MVB12B: variants seen among roughly 807,000 people sequenced by gnomAD.
MVB12B encodes ESCRT-I complex subunit MVB12B.
Under a neutral mutation model 41.6 loss-of-function variants are expected in MVB12B, and 16 were observed. That is an observed-to-expected ratio of 0.38 (90% CI 0.26 to 0.58). The LOEUF (loss-of-function observed/expected upper bound fraction) is 0.58, where lower values mean the gene tolerates loss of function less well. Ranked by LOEUF, MVB12B falls within the 20% of genes least tolerant of loss-of-function variation. MVB12B has a pLI of 0.62. For synonymous variants in MVB12B, 133 were observed against 139.7 expected, an observed-to-expected ratio of 0.95 and a Z score of 0.34; for missense variants, 274 against 380.2, an observed-to-expected ratio of 0.72 and a Z score of 2.32.
chr9:126,437,138 C>T (rs1832500940), intron 7 of MVB12B, among the ~76,000 whole-genome samples: 1 of 152,262 alleles, frequency 6.6e-6, no homozygotes, highest in Admixed American at 6.5e-5. Flanking sequence ...TTAGGGTGAA[C>T]AGGCAAGTCT....
chr9:126,409,115 T>TG (rs71493516), intron 6 of MVB12B, among the ~76,000 whole-genome samples: 14,606 of 142,752 alleles, frequency 0.1, 852 homozygotes, highest in Admixed American at 0.17. Flanking sequence ...ACTTCCATTG[T>TG]GGGGGGGGGC....
intron 6 of MVB12B, chr9:126,396,735 T>C (rs1831124976): frequency 1.0e-6 from 1 of 985,488 alleles, no homozygotes. Context: ...CATGACAGTT[T>C]CACAAACCAA....
At position 126,333,103 on chromosome 9, in the gene MVB12B, T is replaced by C. The variant is rs543380660; in HGVS notation, c.81+6093T>C. Among the ~76,000 whole-genome samples the C allele has an allele frequency of 1.2e-4, 18 of 152,300 alleles. No individual in the cohort carries two copies. The South Asian group carries it at 3.1e-3, about 26-fold the overall frequency. On this transcript the variant is annotated intron_variant, in intron 1 of 9. Coordinates refer to ENST00000361171, the MANE Select transcript of MVB12B (RefSeq NM_033446.3). This position sits in a 1 kb window ranked among gnomAD's most constrained non-coding sequence, Gnocchi z 4.7. Reference sequence around the variant, plus strand: ...CCCTGGTGTTTTGTTTTGTTTTTTTTTGAGACAGACTCTCACTCTGTCACC... The same window carrying C: ...CCCTGGTGTTTTGTTTTGTTTTTTTCTGAGACAGACTCTCACTCTGTCACC...
chr9:126,428,969 C>T (rs1015871755), intron 7 of MVB12B, among the ~76,000 whole-genome samples: 2 of 152,100 alleles, frequency 1.3e-5, no homozygotes, highest in Non-Finnish European at 2.9e-5. Flanking sequence ...AGAGGATTTT[C>T]GTAATCACCG....
chr9:126,491,190 T>C (rs1180249369), intron 9 of MVB12B, among the ~76,000 whole-genome samples: 1 of 152,260 alleles, frequency 6.6e-6, no homozygotes, highest in Non-Finnish European at 1.5e-5. Context: ...GTGAAAAGGA[T>C]TTTTGAATTC....
intron 9 of MVB12B, among the ~76,000 whole-genome samples, chr9:126,488,526 C>G (rs187663408): frequency 6.6e-6 from 1 of 152,250 alleles, no homozygotes; most frequent in Admixed American, 6.5e-5. Context: ...TGGGCAGGTG[C>G]TTCCCTTCAG....
intron 7 of MVB12B, chr9:126,481,136 A>G: frequency 1.8e-6 from 1 of 560,978 alleles, no homozygotes; most frequent in Non-Finnish European, 3.2e-6. Flanking sequence ...TGTCTACACA[A>G]CTGCCTGGTG....
In MVB12B at chr9:126,383,505, G is replaced by A. The variant is rs549700876; in HGVS notation, c.312+2334G>A. Among the ~76,000 whole-genome samples, 3 of 152,240 alleles carry A rather than the reference G, an allele frequency of 2.0e-5. No homozygotes were observed. In the South Asian group the frequency reaches 6.2e-4, roughly 32 times the overall value. On this transcript the variant is annotated intron_variant, in intron 3 of 9. Transcript: ENST00000361171. Reference sequence around the variant, plus strand: ...TTATGAACATTTGAATATTAAGTTGGTTATCTGTGGCTACCTTAAATGCAA... The same window carrying A: ...TTATGAACATTTGAATATTAAGTTGATTATCTGTGGCTACCTTAAATGCAA...
At chr9:126,375,326 A>G (rs137965841) in intron 2 of MVB12B, among the ~76,000 whole-genome samples, 9 of 132,448 alleles carry the variant, frequency 6.8e-5, no homozygotes, top group African/African-American at 2.0e-4. Context: ...TTTTCACAGT[A>G]CGTTCTTAAA....
At chr9:126,444,528 G>A (rs1750073822) in intron 7 of MVB12B, among the ~76,000 whole-genome samples, 1 of 152,136 alleles carries the variant, frequency 6.6e-6, no homozygotes, top group African/African-American at 2.4e-5. Flanking sequence ...TTCCATTGCA[G>A]TCTTAATTTT....
At chr9:126,355,318 G>A (rs190829470) in intron 2 of MVB12B, among the ~76,000 whole-genome samples, 2 of 152,230 alleles carry the variant, frequency 1.3e-5, no homozygotes, top group Non-Finnish European at 2.9e-5. Flanking sequence ...CTGCGGAAAT[G>A]CTGGGTGGGC....
chr9:126,331,805 C>A (rs1329036287), intron 1 of MVB12B, among the ~76,000 whole-genome samples: 1 of 152,174 alleles, frequency 6.6e-6, no homozygotes, highest in African/African-American at 2.4e-5. Context: ...GACTTTCCCC[C>A]CTTAGAGCTA....
At chr9:126,474,843 C>T (rs1014696791) in intron 7 of MVB12B, among the ~76,000 whole-genome samples, 1 of 152,182 alleles carries the variant, frequency 6.6e-6, no homozygotes, top group Non-Finnish European at 1.5e-5. Flanking sequence ...GGTCTGGCTT[C>T]AGGTTCCCTC....
In MVB12B at chr9:126,391,178, C is replaced by T. The variant is rs1205343043; in HGVS notation, c.410-888C>T. On this transcript the variant is annotated intron_variant, in intron 4 of 9. Coordinates refer to ENST00000361171, the MANE Select transcript of MVB12B (RefSeq NM_033446.3). This position sits in a 1 kb window ranked among gnomAD's most constrained non-coding sequence, Gnocchi z 4.4. ...CTCACTATATGACAGCCTAGACTTACGTGTACCCCGGACGGCGTGCATGCC... is the reference window on the plus strand; with the variant it reads ...CTCACTATATGACAGCCTAGACTTATGTGTACCCCGGACGGCGTGCATGCC... Among the ~76,000 whole-genome samples the T allele has an allele frequency of 2.6e-5, 4 of 152,290 alleles. 1 individual carries two copies. The South Asian group carries it at 6.2e-4, about 24-fold the overall frequency.
In MVB12B at chr9:126,421,915, G is replaced by C. The variant is rs1490977058; in HGVS notation, c.724G>C (p.Glu242Gln). The change falls in exon 7 of 10, where the codon GAG (glutamate) becomes CAG (glutamine). Residue 242 changes from glutamate (E) to glutamine (Q), a missense_variant. Coordinates refer to ENST00000361171, the MANE Select transcript of MVB12B (RefSeq NM_033446.3). The part of the protein sequence containing the change: ...RGRNSTRTDY[E>Q]YQHSNLYAIS... Reference sequence around the variant, plus strand: ...CAGGAACAGCACCCGGACGGACTACGAGTACCAGCACTCCAATTTGTATGC... The same window carrying C: ...CAGGAACAGCACCCGGACGGACTACCAGTACCAGCACTCCAATTTGTATGC... 6.2e-7 allele frequency: 1 copy of C among 1,613,966 alleles called. No individual in the cohort carries two copies. The highest frequency in any genetic ancestry group is 8.5e-7 in the Non-Finnish European group (1 of 1,179,960).
At chr9:126,432,212 C>T (rs1466977673) in intron 7 of MVB12B, among the ~76,000 whole-genome samples, 1 of 152,188 alleles carries the variant, frequency 6.6e-6, no homozygotes, top group African/African-American at 2.4e-5. Context: ...GCCCATTTCC[C>T]CCTGATAATT....
intron 8 of MVB12B, among the ~76,000 whole-genome samples, 155 bp from the exon 9 acceptor site, chr9:126,483,818 A>G (rs1366411743): frequency 1.3e-5 from 2 of 152,180 alleles, no homozygotes; most frequent in Non-Finnish European, 2.9e-5. Flanking sequence ...CCCACGCGTG[A>G]CCGAGAGTCC....
chr9:126,358,162 T>C (rs1054834111), intron 2 of MVB12B, among the ~76,000 whole-genome samples: 1 of 152,180 alleles, frequency 6.6e-6, no homozygotes, highest in Non-Finnish European at 1.5e-5. Flanking sequence ...TCTGTTTTAT[T>C]CCATTGATCT....
At chr9:126,418,584 A>G (rs945412614) in intron 6 of MVB12B, among the ~76,000 whole-genome samples, 3 of 152,144 alleles carry the variant, frequency 2.0e-5, no homozygotes, top group African/African-American at 7.2e-5. Flanking sequence ...TTGAAATTGT[A>G]AATTGGATGT....
Sources: gnomAD v4.1 joint callset for allele counts (sites outside exome capture counted in the v4.1 genomes callset) on GRCh38, gnomAD v4.1.1 for gene constraint, Gnocchi (gnomAD v3.1) non-coding constraint, MANE v1.5 for transcripts, NCBI Gene and HGNC (gene_info 2026-07-23, HGNC 2026-07-21) for gene names.